The following LRRC37A2 variants were observed in gnomAD, a reference collection of about 807,000 sequenced individuals.
The protein encoded by LRRC37A2 is leucine-rich repeat-containing protein 37A2.
A neutral mutation model predicts 68.8 loss-of-function variants in LRRC37A2; 9 were observed. That is an observed-to-expected ratio of 0.13 (90% CI 0.08 to 0.23). LRRC37A2 has a LOEUF of 0.23. Ranked by LOEUF, LRRC37A2 falls within the 10% of genes least tolerant of loss-of-function variation. LRRC37A2 has a pLI of 1.00. For missense variants in LRRC37A2, 168 were observed against 950.4 expected (o/e 0.18, Z 10.82); for synonymous variants, 63 against 367.6 (o/e 0.17, Z 9.48).
At chr17:46,710,330 C>A in the LRRC37A2 span, among the ~76,000 whole-genome samples, 5 of 152,128 alleles carry the variant, frequency 3.3e-5, no homozygotes, top group Non-Finnish European at 7.4e-5. Context: ...AAGAAGGGTG[C>A]AATTTAAGCT....
chr17:46,797,861 A>T, the LRRC37A2 span, among the ~76,000 whole-genome samples: 4 of 152,228 alleles, frequency 2.6e-5, no homozygotes, highest in Non-Finnish European at 5.9e-5. Flanking sequence ...GTATAACACC[A>T]TTTTTATAAT....
chr17:46,797,549 A>G, the LRRC37A2 span, among the ~76,000 whole-genome samples: 1 of 152,252 alleles, frequency 6.6e-6, no homozygotes, highest in South Asian at 2.1e-4. Flanking sequence ...CAAAGATGAC[A>G]GCACAGATGG....
At chr17:47,028,211 T>C in the LRRC37A2 span, 4 of 1,050,080 alleles carry the variant, frequency 3.8e-6, no homozygotes, top group Admixed American at 7.5e-5. Flanking sequence ...TAAATTAGAA[T>C]CATGGCAAAT....
the LRRC37A2 span, among the ~76,000 whole-genome samples, chr17:46,943,596 G>A: frequency 2.9e-4 from 44 of 152,234 alleles, no homozygotes; most frequent in Admixed American, 7.2e-4. Context: ...AGGGGCCTTT[G>A]TGCATCCCGG....
chr17:47,004,042 A>T, the LRRC37A2 span, among the ~76,000 whole-genome samples: 1 of 152,310 alleles, frequency 6.6e-6, no homozygotes, highest in African/African-American at 2.4e-5. Flanking sequence ...CCTACAAAGG[A>T]CATGAACTTA....
At chr17:46,935,220 C>G in the LRRC37A2 span, 1 of 1,609,886 alleles carries the variant, frequency 6.2e-7, no homozygotes, top group South Asian at 1.1e-5. Flanking sequence ...TTAGCCTCAT[C>G]CAACAGTTTA....
the LRRC37A2 span, among the ~76,000 whole-genome samples, chr17:46,574,783 T>C: frequency 4.4e-5 from 1 of 22,914 alleles, no homozygotes; most frequent in African/African-American, 2.0e-4. Flanking sequence ...ATCGATGCAA[T>C]CTCTGCAGCT....
the LRRC37A2 span, among the ~76,000 whole-genome samples, chr17:46,902,949 C>T: frequency 6.6e-6 from 1 of 152,196 alleles, no homozygotes; most frequent in Non-Finnish European, 1.5e-5. Flanking sequence ...AAGGGAAGTT[C>T]TGCCTGGGAC....
At chr17:46,816,489 A>G in the LRRC37A2 span, among the ~76,000 whole-genome samples, 1,669 of 126,008 alleles carry the variant, frequency 0.013, 11 homozygotes, top group Middle Eastern at 0.056. Flanking sequence ...ACACACACAC[A>G]CACACACACA....
At chr17:46,776,935 T>C in the LRRC37A2 span, among the ~76,000 whole-genome samples, 1 of 152,122 alleles carries the variant, frequency 6.6e-6, no homozygotes, top group Non-Finnish European at 1.5e-5. Context: ...CAGCCCTTGC[T>C]TGACACCTTC....
Position 46,513,232 on chromosome 17 carries a change from C to T in LRRC37A2, c.520C>T (p.Gln174Ter), listed in dbSNP as rs759830019. 2 of 776,740 alleles carry T rather than the reference C, an allele frequency of 2.6e-6. No individual in the cohort carries two copies. Among genetic ancestry groups the T allele is most frequent in the African/African-American group, 3.1e-5 (2 of 64,398 alleles). 48.1% of individuals were successfully genotyped at this position (776,740 alleles called of 1,614,324 possible). ...AATTACACGCCAATTATCCACACCT[C>T]AGAGTCAGAAACAGACTTTGCAGAA... Residue 174 changes from glutamine to a stop codon, truncating the protein, a stop_gained, in exon 2 of 15, where the codon CAG (glutamine) becomes TAG (stop). Coordinates refer to ENST00000576629, the Ensembl canonical transcript of LRRC37A2. LOFTEE classifies it high-confidence loss of function.
chr17:46,849,217 C>T, the LRRC37A2 span, among the ~76,000 whole-genome samples: 1 of 152,238 alleles, frequency 6.6e-6, no homozygotes, highest in Admixed American at 6.5e-5. Context: ...TCTCACTCTC[C>T]AGCCACTGAT....
chr17:47,024,461 A>AG, the LRRC37A2 span, among the ~76,000 whole-genome samples: 1 of 152,084 alleles, frequency 6.6e-6, no homozygotes, highest in Non-Finnish European at 1.5e-5. Context: ...AAGAGTGGGT[A>AG]GGGGTGTGCT....
the LRRC37A2 span, chr17:46,872,528 G>A: frequency 2.7e-5 from 42 of 1,543,830 alleles, no homozygotes; most frequent in South Asian, 1.8e-4. Flanking sequence ...CTGACCGGGC[G>A]GGAAGTCCTG....
chr17:46,876,935 A>G, the LRRC37A2 span: 11 of 1,322,878 alleles, frequency 8.3e-6, no homozygotes, highest in Non-Finnish European at 9.6e-6. Context: ...CCCTTAACCC[A>G]AGCATCCCCA....
the LRRC37A2 span, among the ~76,000 whole-genome samples, chr17:46,621,350 G>A: frequency 1.4e-3 from 192 of 136,778 alleles, 3 homozygotes; most frequent in African/African-American, 4.9e-3. Flanking sequence ...ACAGTGACAC[G>A]ATCTCAGCTC....
At chr17:46,980,856 T>A in the LRRC37A2 span, among the ~76,000 whole-genome samples, 1 of 150,898 alleles carries the variant, frequency 6.6e-6, no homozygotes, top group Non-Finnish European at 1.5e-5. Flanking sequence ...TAAAATAAAA[T>A]AAAAAAAGAA....
At chr17:46,909,990 CT>C in the LRRC37A2 span, 2 of 152,508 alleles carry the variant, frequency 1.3e-5, no homozygotes, top group East Asian at 3.9e-4. Context: ...GGTCCCAGGC[CT>C]GGGTTCTAGA....
At chr17:46,928,520 C>G in the LRRC37A2 span, among the ~76,000 whole-genome samples, 1 of 152,034 alleles carries the variant, frequency 6.6e-6, no homozygotes, top group Non-Finnish European at 1.5e-5. Context: ...TCATGGAGGA[C>G]CATTAGGAAG....
Sources: gnomAD v4.1 joint callset for allele counts (sites outside exome capture counted in the v4.1 genomes callset) on GRCh38, gnomAD v4.1.1 for gene constraint, MANE v1.5 for transcripts, NCBI Gene and HGNC (gene_info 2026-07-23, HGNC 2026-07-21) for gene names.